The following TSPAN14 variants were observed in gnomAD, a reference collection of about 807,000 sequenced individuals.
The protein encoded by TSPAN14 is tetraspanin 14, also known as tetraspanin-14.
TSPAN14 carries 16 observed loss-of-function variants against 36.6 expected under a neutral mutation model. The observed-to-expected ratio is 0.44, with a 90% CI of 0.30 to 0.66. The LOEUF (loss-of-function observed/expected upper bound fraction) is 0.66, where lower values mean the gene tolerates loss of function less well. Ranked by LOEUF, TSPAN14 falls within the 30% of genes least tolerant of loss-of-function variation. The pLI, the probability that TSPAN14 is intolerant of heterozygous loss-of-function variation, is 0.12. For synonymous variants in TSPAN14, 139 were observed against 143.8 expected (o/e 0.97, Z 0.24); for missense variants, 231 against 355.1 (o/e 0.65, Z 2.81).
chr10:80,496,278 T>A (rs909238156), intron 2 of TSPAN14, among the ~76,000 whole-genome samples: 2 of 152,220 alleles, frequency 1.3e-5, no homozygotes, highest in African/African-American at 4.8e-5. Flanking sequence ...TTTTTAGATT[T>A]TTTTCCTAAT....
At chr10:80,495,640 T>G (rs1433924435) in intron 2 of TSPAN14, among the ~76,000 whole-genome samples, 1 of 152,192 alleles carries the variant, frequency 6.6e-6, no homozygotes, top group Non-Finnish European at 1.5e-5. Flanking sequence ...AAGTCTTAAG[T>G]AGTTTGGTGT....
chr10:80,520,543 C>G (rs74143165), exon 9 of TSPAN14: 5,736 of 495,314 alleles, frequency 0.012, 275 homozygotes, highest in African/African-American at 0.1. Flanking sequence ...CATGCACATG[C>G]TAACTTTAAA....
At chr10:80,479,111 T>C (rs1847093491) in intron 1 of TSPAN14, among the ~76,000 whole-genome samples, 1 of 152,252 alleles carries the variant, frequency 6.6e-6, no homozygotes, top group East Asian at 1.9e-4. Flanking sequence ...TGTCTGTTCA[T>C]GTCCTTGGCC....
chr10:80,476,237 GTAACACACTCCTGTAGTCCCAGC>G (rs1236317486), intron 1 of TSPAN14, among the ~76,000 whole-genome samples: 12 of 151,906 alleles, frequency 7.9e-5, no homozygotes, highest in Non-Finnish European at 1.3e-4. Context: ...GTTGGGCTTG[GTAACACACTCCTGTAGTCCCAGC>G]TACTTGAGAG....
chr10:80,458,841 G>T (rs971391374), intron 1 of TSPAN14, among the ~76,000 whole-genome samples: 8 of 151,906 alleles, frequency 5.3e-5, no homozygotes, highest in African/African-American at 1.9e-4. Flanking sequence ...AGTGTCCAGT[G>T]CCGCTCTCAA....
chr10:80,516,941 T>C (rs778754789), intron 8 of TSPAN14, among the ~76,000 whole-genome samples: 4 of 152,134 alleles, frequency 2.6e-5, no homozygotes, highest in Non-Finnish European at 5.9e-5. Flanking sequence ...GAGCAGGCAG[T>C]GAGGCCTGGG....
At chr10:80,511,882 C>T (rs1840672131) in intron 5 of TSPAN14, among the ~76,000 whole-genome samples, 1 of 151,604 alleles carries the variant, frequency 6.6e-6, no homozygotes, top group African/African-American at 2.4e-5. Flanking sequence ...AACTCCTGGG[C>T]TCAAACCATC....
rs1840929942 is a variant in TSPAN14, at chr10:80,516,201, C to T, written c.622-3C>T. On this transcript the variant is annotated splice_region_variant and splice_polypyrimidine_tract_variant and intron_variant, in intron 7 of 8. Transcript: ENST00000429989. Reference sequence around the variant, plus strand: ...CTCAGACCCCTGTGGTGTTTTCCTGCAGCTGAAGAGCAAGTGGGATGAGTC... The same window carrying T: ...CTCAGACCCCTGTGGTGTTTTCCTGTAGCTGAAGAGCAAGTGGGATGAGTC... 2 of 1,614,086 alleles carry T rather than the reference C, an allele frequency of 1.2e-6. No individual in the cohort carries two copies. Among genetic ancestry groups the T allele is most frequent in the Non-Finnish European group, 1.7e-6 (2 of 1,180,020 alleles).
At chr10:80,490,259 T>C (rs1847852314) in intron 2 of TSPAN14, among the ~76,000 whole-genome samples, 1 of 152,114 alleles carries the variant, frequency 6.6e-6, no homozygotes, top group Non-Finnish European at 1.5e-5. Context: ...GAGATACTAT[T>C]TCCTTTGTCG....
At chr10:80,498,006 A>T (rs1330907661) in intron 2 of TSPAN14, among the ~76,000 whole-genome samples, 2 of 152,178 alleles carry the variant, frequency 1.3e-5, no homozygotes, top group Non-Finnish European at 2.9e-5. Flanking sequence ...TCTGGCTCCC[A>T]GACCTTCCGA....
At chr10:80,489,081 T>C in intron 1 of TSPAN14, 136 bp from the exon 2 acceptor site, 1 of 610,324 alleles carries the variant, frequency 1.6e-6, no homozygotes. Context: ...GGCCTTGGTA[T>C]CAGGCCTCTG....
chr10:80,491,944 A>G (rs1847942218), intron 2 of TSPAN14, among the ~76,000 whole-genome samples: 1 of 152,164 alleles, frequency 6.6e-6, no homozygotes, highest in African/African-American at 2.4e-5. Flanking sequence ...TGCAGTCTTC[A>G]TTTGCAATGG....
At chr10:80,503,564 G>T (rs1350120380) in intron 2 of TSPAN14, among the ~76,000 whole-genome samples, 1 of 152,056 alleles carries the variant, frequency 6.6e-6, no homozygotes, top group South Asian at 2.1e-4. Flanking sequence ...GACCATTGTG[G>T]GAGCCAGCAG....
At chr10:80,515,572 C>T (rs1309887111) in intron 7 of TSPAN14, 1 of 152,432 alleles carries the variant, frequency 6.6e-6, no homozygotes, top group East Asian at 1.9e-4. Context: ...CTCCTAACAC[C>T]TCTAAAATTA....
At chr10:80,485,236 T>C (rs1221941875) in intron 1 of TSPAN14, among the ~76,000 whole-genome samples, 1 of 152,062 alleles carries the variant, frequency 6.6e-6, no homozygotes, top group Non-Finnish European at 1.5e-5. Flanking sequence ...TTGGTGTTCT[T>C]TGTGGATGCA....
intron 2 of TSPAN14, among the ~76,000 whole-genome samples, chr10:80,490,521 A>G (rs1485390555): frequency 1.3e-5 from 2 of 152,220 alleles, no homozygotes; most frequent in Non-Finnish European, 2.9e-5. Flanking sequence ...ACAGTCAACC[A>G]TGGTGCAGGG....
intron 1 of TSPAN14, among the ~76,000 whole-genome samples, chr10:80,486,959 T>C (rs145589391): frequency 2.2e-4 from 34 of 152,302 alleles, no homozygotes; most frequent in African/African-American, 8.2e-4. Context: ...TGGTGGCTCA[T>C]GCAGGTAATC....
At chr10:80,455,117 C>T (rs1226749255) in intron 1 of TSPAN14, among the ~76,000 whole-genome samples, 1 of 152,150 alleles carries the variant, frequency 6.6e-6, no homozygotes, top group Non-Finnish European at 1.5e-5. Flanking sequence ...GCTTCTCCTC[C>T]ACCCCCAGGG....
chr10:80,460,143 A>T (rs1845903136), intron 1 of TSPAN14, among the ~76,000 whole-genome samples: 1 of 152,172 alleles, frequency 6.6e-6, no homozygotes, highest in Admixed American at 6.5e-5. Flanking sequence ...GAGGGGAGAG[A>T]GTGGGCCAAC....
Sources: allele counts gnomAD v4.1 joint callset (sites outside exome capture counted in the v4.1 genomes callset), GRCh38; gene constraint gnomAD v4.1.1; transcripts MANE v1.5; gene names NCBI Gene and HGNC (gene_info 2026-07-23, HGNC 2026-07-21).